CBLB: variants seen among roughly 807,000 people sequenced by gnomAD.
CBLB encodes E3 ubiquitin-protein ligase CBL-B.
CBLB carries 31 observed loss-of-function variants against 104.9 expected under a neutral mutation model. The ratio of observed to expected loss-of-function variants is 0.30; its 90% CI spans 0.22 to 0.40. The LOEUF (loss-of-function observed/expected upper bound fraction) is 0.40, where lower values mean the gene tolerates loss of function less well. Among genes scored for constraint, CBLB ranks in the 10% least tolerant of loss-of-function variants. CBLB has a pLI of 1.00. For missense variants in CBLB, 1,062 were observed against 1,214.6 expected, an observed-to-expected ratio of 0.87 and a Z score of 1.87; for synonymous variants, 440 against 422.6, an observed-to-expected ratio of 1.04 and a Z score of -0.51.
intron 3 of CBLB, among the ~76,000 whole-genome samples, chr3:105,789,704 C>A (rs1560250372): frequency 6.6e-6 from 1 of 152,130 alleles, no homozygotes; most frequent in Non-Finnish European, 1.5e-5. Flanking sequence ...ACAGCAGTGT[C>A]TTTTAATTAC....
At chr3:105,739,151 C>A (rs1451275041) in intron 7 of CBLB, among the ~76,000 whole-genome samples, 2 of 152,166 alleles carry the variant, frequency 1.3e-5, no homozygotes, top group Admixed American at 6.5e-5. Flanking sequence ...CTCAAGTGAT[C>A]CTCCTGCCTT....
rs1455355175 is a variant in CBLB, at chr3:105,853,533, T to C, written c.300A>G (p.Gln100=). ...TTTTAAAGTACTCATTCTCACTGAG[T>C]TGGGCAAGTTTCTGGTTGTCATCAT... ...SKYDDNQKLA[Q]LSENEYFKIY... The change falls in exon 3 of 19, where the codon CAA becomes CAG. Residue 100 remains glutamine (Q), a synonymous_variant. Coordinates refer to ENST00000394030, the MANE Select transcript of CBLB (RefSeq NM_170662.5). 1 of 1,613,814 alleles carries C rather than the reference T, an allele frequency of 6.2e-7. No individual in the cohort carries two copies. Among genetic ancestry groups the C allele is most frequent in the East Asian group, 2.2e-5 (1 of 44,796 alleles).
At chr3:105,752,145 T>A (rs3772522) in intron 4 of CBLB, among the ~76,000 whole-genome samples, 10,592 of 152,284 alleles carry the variant, frequency 0.07, 528 homozygotes, top group Admixed American at 0.16. Context: ...ATGAAAAACA[T>A]ACGTTATCTA....
intron 3 of CBLB, among the ~76,000 whole-genome samples, chr3:105,795,403 ATACT>A (rs1357807192): frequency 6.6e-6 from 1 of 152,244 alleles, no homozygotes; most frequent in Non-Finnish European, 1.5e-5. Context: ...TAAGAAACAG[ATACT>A]TAGTTAGATA....
Position 105,868,970 on chromosome 3 carries a change from C to G in CBLB, c.-249G>C. On this transcript the variant is annotated 5_prime_UTR_variant, in exon 1 of 19. Coordinates refer to ENST00000394030, the MANE Select transcript of CBLB (RefSeq NM_170662.5). ...CGCCCGACTCGGGGAGGCCGCGGGA[C>G]GCCGCAGCAGCACTAGCAGGAGGAG... 9.8e-7 allele frequency: 1 copy of G among 1,021,766 alleles called. No homozygotes were observed. The highest frequency in any genetic ancestry group is 1.2e-6 in the Non-Finnish European group (1 of 853,420). The allele number at this position is 1,021,766 out of a possible 1,614,324, so 63.3% of individuals were successfully genotyped here. A position where few individuals can be genotyped will look rare whatever the true frequency, so the allele number is the denominator to read the frequency against.
At chr3:105,863,377 C>T (rs1434346824) in intron 2 of CBLB, among the ~76,000 whole-genome samples, 1 of 152,322 alleles carries the variant, frequency 6.6e-6, no homozygotes, top group East Asian at 1.9e-4. Context: ...CATGATTCTG[C>T]TAAGGTGGAA....
chr3:105,811,261 T>G (rs980754198), intron 3 of CBLB, among the ~76,000 whole-genome samples: 5 of 152,210 alleles, frequency 3.3e-5, no homozygotes, highest in Non-Finnish European at 7.3e-5. Context: ...GTATAGTTAG[T>G]ATCTTTCAAT....
chr3:105,705,063 C>G (rs1201768526), intron 10 of CBLB, among the ~76,000 whole-genome samples: 1 of 152,096 alleles, frequency 6.6e-6, no homozygotes, highest in African/African-American at 2.4e-5. Flanking sequence ...AAGTTACTAG[C>G]TCTTTGAAGA....
intron 3 of CBLB, among the ~76,000 whole-genome samples, chr3:105,777,567 G>A (rs984142221): frequency 6.6e-6 from 1 of 152,152 alleles, no homozygotes; most frequent in Non-Finnish European, 1.5e-5. Context: ...GGTTCAGTGA[G>A]ACATGAACAC....
chr3:105,825,705 A>G (rs2086471949), intron 3 of CBLB, among the ~76,000 whole-genome samples: 1 of 152,218 alleles, frequency 6.6e-6, no homozygotes, highest in Non-Finnish European at 1.5e-5. Context: ...ACTCCTCATT[A>G]AATTGTTTTA....
intron 3 of CBLB, among the ~76,000 whole-genome samples, chr3:105,803,199 A>G (rs1177410664): frequency 6.6e-6 from 1 of 152,246 alleles, no homozygotes; most frequent in Non-Finnish European, 1.5e-5. Context: ...TTTAGTTGTG[A>G]TAATTACCCA....
At chr3:105,711,682 T>A (rs2071111989) in intron 10 of CBLB, among the ~76,000 whole-genome samples, 1 of 152,086 alleles carries the variant, frequency 6.6e-6, no homozygotes, top group Admixed American at 6.6e-5. Context: ...TACAATAATT[T>A]GGGGAGAAAC....
At chr3:105,777,610 G>C (rs2079637881) in intron 3 of CBLB, among the ~76,000 whole-genome samples, 2 of 152,156 alleles carry the variant, frequency 1.3e-5, no homozygotes, top group Admixed American at 6.5e-5. Flanking sequence ...AACAGGGTGA[G>C]ACAATGTCTC....
chr3:105,672,151 T>C (rs1378797480), intron 17 of CBLB: 1 of 192,328 alleles, frequency 5.2e-6, no homozygotes, highest in African/African-American at 2.3e-5. Flanking sequence ...ATTTATAGGT[T>C]TGTCAAATAC....
chr3:105,681,972 CT>C (rs2066375818), intron 14 of CBLB, 154 bp from the exon 15 acceptor site: 1 of 608,964 alleles, frequency 1.6e-6, no homozygotes, highest in Admixed American at 2.9e-5. Flanking sequence ...CATCAAGATA[CT>C]CATCCCTTAT....
chr3:105,833,113 A>G (rs78975172), intron 3 of CBLB, among the ~76,000 whole-genome samples: 1,951 of 152,346 alleles, frequency 0.013, 43 homozygotes, highest in African/African-American at 0.044. Flanking sequence ...TCGTGAAATG[A>G]ATCTAGAAAG....
chr3:105,868,113 A>G, intron 1 of CBLB: 2 of 683,480 alleles, frequency 2.9e-6, no homozygotes, highest in East Asian at 3.4e-5. Flanking sequence ...TCTGTTGTCA[A>G]CAAAAGCGCA....
At chr3:105,674,364 T>C (rs1459448399) in intron 17 of CBLB, among the ~76,000 whole-genome samples, 1 of 152,266 alleles carries the variant, frequency 6.6e-6, no homozygotes, top group East Asian at 1.9e-4. Flanking sequence ...ATTTTACTTA[T>C]GCAGTTGCAT....
At chr3:105,791,789 G>T (rs548197892) in intron 3 of CBLB, among the ~76,000 whole-genome samples, 1 of 152,056 alleles carries the variant, frequency 6.6e-6, no homozygotes, top group Non-Finnish European at 1.5e-5. Context: ...AATAGCAATG[G>T]GTGGCCTAGC....
Sources: gnomAD v4.1 joint callset for allele counts (sites outside exome capture counted in the v4.1 genomes callset) on GRCh38, gnomAD v4.1.1 for gene constraint, MANE v1.5 for transcripts, NCBI Gene and HGNC (gene_info 2026-07-23, HGNC 2026-07-21) for gene names.